The following EPN2 variants were observed in gnomAD, a reference collection of about 807,000 sequenced individuals.
EPN2 encodes epsin 2, also known as epsin-2.
EPN2 carries 34 observed loss-of-function variants against 61.7 expected under a neutral mutation model. That is an observed-to-expected ratio of 0.55 (90% CI 0.42 to 0.73). The LOEUF (loss-of-function observed/expected upper bound fraction) is 0.73. Among genes scored for constraint, EPN2 ranks in the 30% least tolerant of loss-of-function variants. The pLI is 0.00. For synonymous variants in EPN2, 349 were observed against 353.6 expected (o/e 0.99, Z 0.15); for missense variants, 714 against 839.2 (o/e 0.85, Z 1.84).
At position 19,281,942 on chromosome 17, in the gene EPN2, A is replaced by T. The variant is rs1481352342; in HGVS notation, c.-293-13A>T. ...ACTCTGTTTTTAATCTGTAACATTC[A>T]TTTATTTAACAGTGTTCATTTCTGT... On this transcript the variant is annotated splice_polypyrimidine_tract_variant and intron_variant, in intron 1 of 10. Coordinates refer to ENST00000314728, the MANE Select transcript of EPN2 (RefSeq NM_014964.5). 1 of 152,150 alleles carries T rather than the reference A, an allele frequency of 6.6e-6. No homozygotes were observed. Among genetic ancestry groups the T allele is most frequent in the Admixed American group, 6.5e-5 (1 of 15,274 alleles). 9.4% of individuals were successfully genotyped at this position (152,150 alleles called of 1,614,324 possible). A position where few individuals can be genotyped will look rare whatever the true frequency, so the allele number is the denominator to read the frequency against.
chr17:19,242,755 T>TA (rs1192832759), intron 1 of EPN2, among the ~76,000 whole-genome samples: 1 of 152,228 alleles, frequency 6.6e-6, no homozygotes, highest in Admixed American at 6.5e-5. Context: ...ACCCTGCTGA[T>TA]ATATAGAACA....
intron 1 of EPN2, among the ~76,000 whole-genome samples, chr17:19,244,048 A>G (rs2044917335): frequency 6.6e-6 from 1 of 152,210 alleles, no homozygotes; most frequent in Admixed American, 6.5e-5. Flanking sequence ...TGGAAAGGAA[A>G]TGGGGAGAGA....
intron 1 of EPN2, among the ~76,000 whole-genome samples, chr17:19,263,839 T>C (rs1384554792): frequency 6.6e-6 from 1 of 151,658 alleles, no homozygotes; most frequent in Non-Finnish European, 1.5e-5. Context: ...GGCATAAATA[T>C]GCTGAAGAAC....
intron 4 of EPN2, among the ~76,000 whole-genome samples, chr17:19,290,695 G>A (rs1184608570): frequency 3.2e-5 from 1 of 31,656 alleles, no homozygotes; most frequent in Non-Finnish European, 5.9e-5. Context: ...CAGCATTCCC[G>A]TTCTCAAAAA....
At chr17:19,240,722 C>A (rs1241002668) in intron 1 of EPN2, among the ~76,000 whole-genome samples, 1 of 152,236 alleles carries the variant, frequency 6.6e-6, no homozygotes, top group Non-Finnish European at 1.5e-5. Flanking sequence ...CCTACCTTCA[C>A]CAACCCACAC....
chr17:19,306,303 G>T (rs187686572), intron 4 of EPN2: 1 of 152,414 alleles, frequency 6.6e-6, no homozygotes, highest in East Asian at 1.9e-4. Flanking sequence ...GCCCTTTGTG[G>T]AGCTGAGTTG....
chr17:19,328,644 C>A, intron 7 of EPN2, 67 bp from the exon 8 acceptor site: 1 of 1,432,978 alleles, frequency 7.0e-7, no homozygotes, highest in South Asian at 1.4e-5. Context: ...GTATCCTTTT[C>A]CCTTCTCACC....
chr17:19,242,089 T>C lies in EPN2; in HGVS notation c.-294+4558T>C, dbSNP rs545435537. Among the ~76,000 whole-genome samples, 24 of 148,648 alleles carry C rather than the reference T, an allele frequency of 1.6e-4. 1 individual carries two copies. Among genetic ancestry groups the C allele is most frequent in the African/African-American group, 5.8e-4 (23 of 39,816 alleles). On this transcript the variant is annotated intron_variant, in intron 1 of 10. Transcript: ENST00000314728. ...CTGTGGTTTGAATGTCAATAATTAA[T>C]GGATCATTTTAGCTGAGAGACACTA...
rs5819664 is a variant in EPN2, at chr17:19,242,132, G to GAAAAAA, written c.-294+4613_-294+4618dup. 1.4e-4 allele frequency among the ~76,000 whole-genome samples: 16 copies of GAAAAAA among 115,354 alleles called. No individual in the cohort carries two copies. The East Asian group carries it at 2.2e-3, about 16-fold the overall frequency. The allele number at this position is 115,354 out of a possible 152,430, so 75.7% of individuals were successfully genotyped here. ...AGACACTAGATTTGGTGTTTGATCT[G>GAAAAAA]AAAAAAAAAAAAAAAAAGCCTAGGC... On this transcript the variant is annotated intron_variant, in intron 1 of 10. Coordinates refer to ENST00000314728, the MANE Select transcript of EPN2 (RefSeq NM_014964.5).
intron 1 of EPN2, among the ~76,000 whole-genome samples, chr17:19,246,653 T>C (rs968134304): frequency 6.6e-6 from 1 of 151,830 alleles, no homozygotes; most frequent in Non-Finnish European, 1.5e-5. Context: ...GAGCAAAAAG[T>C]TGTATTAAAA....
In EPN2 at chr17:19,294,523, C is replaced by G. The variant is rs548316293; in HGVS notation, c.766+8733C>G. Among the ~76,000 whole-genome samples, 12 of 152,274 alleles carry G rather than the reference C, an allele frequency of 7.9e-5. No homozygotes were observed. The South Asian group carries it at 2.5e-3, about 32-fold the overall frequency. On this transcript the variant is annotated intron_variant, in intron 4 of 10. Coordinates refer to ENST00000314728, the MANE Select transcript of EPN2 (RefSeq NM_014964.5). ...CAATATTTACCTGTTTTTTAAGGAT[C>G]CTTTGTAGTATAGGTAAACAAACTA...
intron 1 of EPN2, among the ~76,000 whole-genome samples, chr17:19,268,704 C>T (rs1203074046): frequency 6.6e-6 from 1 of 152,176 alleles, no homozygotes; most frequent in African/African-American, 2.4e-5. Context: ...TTCACAGTAG[C>T]AAAAATCTGG....
chr17:19,248,226 AATG>A (rs1218801410), intron 1 of EPN2, among the ~76,000 whole-genome samples: 7 of 152,222 alleles, frequency 4.6e-5, no homozygotes, highest in Non-Finnish European at 1.0e-4. Flanking sequence ...AACTGGCAGA[AATG>A]ATCACCCTGG....
chr17:19,329,472 C>T (rs1481003091), intron 8 of EPN2, 89 bp from the exon 9 acceptor site: 3 of 745,556 alleles, frequency 4.0e-6, no homozygotes, highest in Non-Finnish European at 6.8e-6. Context: ...CCCCTGTTGC[C>T]AGCCCATCCT....
intron 4 of EPN2, among the ~76,000 whole-genome samples, chr17:19,287,368 C>T (rs1465917052): frequency 6.6e-6 from 1 of 151,876 alleles, no homozygotes; most frequent in Non-Finnish European, 1.5e-5. Context: ...TTTCTCATGC[C>T]CCAGATGAGT....
chr17:19,247,013 G>A (rs2044960219), intron 1 of EPN2, among the ~76,000 whole-genome samples: 1 of 151,884 alleles, frequency 6.6e-6, no homozygotes, highest in African/African-American at 2.4e-5. Flanking sequence ...CTCGTGATCT[G>A]CCCACCTCAG....
chr17:19,307,797 A>G, intron 4 of EPN2: 1 of 576,180 alleles, frequency 1.7e-6, no homozygotes, highest in Non-Finnish European at 2.2e-6. Context: ...GCCTCTTTCT[A>G]CCTCCCCTGG....
intron 4 of EPN2, among the ~76,000 whole-genome samples, chr17:19,295,840 G>A (rs1403179003): frequency 6.6e-6 from 1 of 152,180 alleles, no homozygotes; most frequent in African/African-American, 2.4e-5. Context: ...GGCACTGACA[G>A]CAGTGTGCTG....
intron 1 of EPN2, among the ~76,000 whole-genome samples, chr17:19,237,917 T>C (rs772197183): frequency 6.2e-4 from 95 of 152,150 alleles, no homozygotes; most frequent in Non-Finnish European, 1.1e-3. Context: ...CCAGAGCACG[T>C]TCCTCCTCTC....
Sources: gnomAD v4.1 joint callset for allele counts (sites outside exome capture counted in the v4.1 genomes callset) on GRCh38, gnomAD v4.1.1 for gene constraint, MANE v1.5 for transcripts, NCBI Gene and HGNC (gene_info 2026-07-23, HGNC 2026-07-21) for gene names.